Variants in GRIPAP1 observed in about 807,000 individuals in gnomAD.
The protein encoded by GRIPAP1 is GRIP1 associated protein 1, also known as GRIP1-associated protein 1.
GRIPAP1 carries 14 observed loss-of-function variants against 84.1 expected under a neutral mutation model. The observed-to-expected ratio is 0.17, with a 90% CI of 0.11 to 0.26. GRIPAP1 has a LOEUF of 0.26. Among genes scored for constraint, GRIPAP1 ranks in the 10% least tolerant of loss-of-function variants. The pLI is 1.00. For synonymous variants in GRIPAP1, 261 were observed against 256.8 expected (o/e 1.02, Z -0.15); for missense variants, 518 against 674.2 (o/e 0.77, Z 2.57).
intron 21 of GRIPAP1, among the ~76,000 whole-genome samples, chrX:48,980,033 AG>A (rs1197055114): frequency 9.0e-6 from 1 of 111,538 alleles, no homozygotes; most frequent in Non-Finnish European, 1.9e-5. Context: ...CATCACTTAA[AG>A]CCCTCGAGGA....
intron 5 of GRIPAP1, among the ~76,000 whole-genome samples, chrX:48,997,011 A>G (rs2064550391): frequency 9.0e-6 from 1 of 111,442 alleles, no homozygotes; most frequent in Admixed American, 9.6e-5. Context: ...AGCTCAAATA[A>G]AAGGAGTGAC....
chrX:48,985,542 A>G (rs1417030972), intron 13 of GRIPAP1, 140 bp from the exon 14 acceptor site: 16 of 481,405 alleles, frequency 3.3e-5, no homozygotes, highest in Non-Finnish European at 5.1e-5. Context: ...TCAAACAGAA[A>G]AACAATGAAG....
At chrX:48,988,611 A>G (rs1222841414) in intron 11 of GRIPAP1, 1 of 148,362 alleles carries the variant, frequency 6.7e-6, no homozygotes, top group East Asian at 1.6e-4. Flanking sequence ...CCCAACCACC[A>G]GGGGTTTCAG....
chrX:48,975,882 C>T (rs1557060288), intron 24 of GRIPAP1, 136 bp downstream of exon 24: 1 of 490,801 alleles, frequency 2.0e-6, no homozygotes, highest in African/African-American at 2.4e-5. Flanking sequence ...TTCCTGTTCT[C>T]CCCTCCACAG....
intron 25 of GRIPAP1, 35 bp from the exon 26 acceptor site, chrX:48,974,320 G>A (rs1557059816): frequency 1.0e-6 from 1 of 960,532 alleles, no homozygotes; most frequent in Admixed American, 2.3e-5. Context: ...GGCCAGAGAA[G>A]GGGACAGGCT....
intron 5 of GRIPAP1, among the ~76,000 whole-genome samples, 185 bp from the exon 6 acceptor site, chrX:48,993,763 C>T (rs2064532271): frequency 8.9e-6 from 1 of 112,289 alleles, no homozygotes; most frequent in African/African-American, 3.2e-5. Context: ...AGTTCAAATT[C>T]ACACATCTTT....
Position 49,002,246 on chromosome X carries a change from C to A in GRIPAP1, c.-17G>T, listed in dbSNP as rs368830882. On this transcript the variant is annotated 5_prime_UTR_variant, in exon 1 of 26. Coordinates refer to ENST00000376423, the MANE Select transcript of GRIPAP1 (RefSeq NM_020137.5). ...TTGCGCCATGTTCCTCCCCCCACCC[C>A]CCCGCCAGCTTTCTGCGCAGACGCA... The A allele has an allele frequency of 6.4e-6, 7 of 1,094,555 alleles. No homozygotes were observed. In the Admixed American group the frequency reaches 1.2e-4, roughly 19 times the overall value. The allele number at this position is 1,094,555 out of a possible 1,213,427, so 90.2% of individuals were successfully genotyped here. A position where few individuals can be genotyped will look rare whatever the true frequency, so the allele number is the denominator to read the frequency against.
chrX:48,984,970 C>T (rs1461903736), intron 14 of GRIPAP1, among the ~76,000 whole-genome samples: 2 of 108,000 alleles, frequency 1.9e-5, no homozygotes, highest in Non-Finnish European at 3.8e-5. Flanking sequence ...TGCAGTGAGC[C>T]GAGATCACGC....
intron 21 of GRIPAP1, among the ~76,000 whole-genome samples, chrX:48,980,990 C>A (rs189394594): frequency 9.0e-6 from 1 of 111,274 alleles, no homozygotes; most frequent in Non-Finnish European, 1.9e-5. Context: ...GAGGCAGAGA[C>A]AGAAACAGAG....
In GRIPAP1 at chrX:48,974,490, G is replaced by C. The variant is rs781953238; in HGVS notation, c.2434-205C>G. 7.6e-4 allele frequency among the ~76,000 whole-genome samples: 85 copies of C among 111,807 alleles called. 1 individual carries two copies. Among genetic ancestry groups the C allele is most frequent in the Non-Finnish European group, 5.5e-4 (29 of 53,109 alleles). ...CAGAAAAGTCATGAGGATGGGTGGGGAGCTACAGATAATGGGAGTGGGATG... is the reference window on the plus strand; with the variant it reads ...CAGAAAAGTCATGAGGATGGGTGGGCAGCTACAGATAATGGGAGTGGGATG... On this transcript the variant is annotated intron_variant, in intron 25 of 25. Transcript: ENST00000376423.
intron 25 of GRIPAP1, 117 bp downstream of exon 25, chrX:48,975,038 G>A (rs2064414923): frequency 1.7e-6 from 1 of 584,817 alleles, no homozygotes; most frequent in African/African-American, 2.3e-5. Flanking sequence ...TAGGAGGATA[G>A]CTGGGAGGAC....
rs782406830 is a variant in GRIPAP1, at chrX:48,987,875, T to C, written c.951A>G (p.Val317=). The C allele has an allele frequency of 1.6e-5, 19 of 1,185,751 alleles. No individual in the cohort carries two copies. In the Admixed American group the frequency reaches 4.0e-4, roughly 25 times the overall value. Residue 317 remains valine, a splice_region_variant and synonymous_variant, in exon 13 of 26, where the codon GTA becomes GTG. Transcript: ENST00000376423. ...CCTGTGCATCTGCACTCTGGATGGA[T>C]ACCTGGCCCCACGTCCACAGCAGGT... is the stretch of plus-strand genomic sequence containing the variant. The part of the protein sequence containing the change: ...AAALRALQDQ[V]SIQSADAQEQ...
chrX:48,987,573 C>T (rs1468186189), intron 13 of GRIPAP1, among the ~76,000 whole-genome samples: 4 of 103,478 alleles, frequency 3.9e-5, no homozygotes, highest in Admixed American at 3.2e-4. Context: ...CTGCCTCAGC[C>T]TCCCCAATAA....
intron 12 of GRIPAP1, 117 bp downstream of exon 12, chrX:48,988,004 C>T: frequency 1.6e-6 from 1 of 624,477 alleles, no homozygotes; most frequent in Non-Finnish European, 2.5e-6. Flanking sequence ...CACACACACA[C>T]ACACACGAAG....
At chrX:48,997,152 G>A in intron 5 of GRIPAP1, 98 bp downstream of exon 5, 1 of 545,052 alleles carries the variant, frequency 1.8e-6, no homozygotes, top group Admixed American at 2.8e-5. Flanking sequence ...CAGTGCTCCA[G>A]GGCCAGACCC....
At chrX:48,988,483 A>T in intron 11 of GRIPAP1, 1 of 321,899 alleles carries the variant, frequency 3.1e-6, no homozygotes, top group Non-Finnish European at 5.5e-6. Flanking sequence ...ATCCATAAGA[A>T]GTCTCATGCT....
chrX:48,990,662 G>A (rs2147744003), intron 8 of GRIPAP1, 23 bp downstream of exon 8: 1 of 1,176,588 alleles, frequency 8.5e-7, no homozygotes, highest in East Asian at 3.0e-5. Context: ...GGAGCAGAAT[G>A]GGAAAGAGCC....
intron 5 of GRIPAP1, among the ~76,000 whole-genome samples, chrX:48,996,536 G>A (rs1346513364): frequency 1.8e-5 from 2 of 112,249 alleles, no homozygotes; most frequent in African/African-American, 6.5e-5. Flanking sequence ...CCAGCTACTT[G>A]GGAGGCTGAG....
intron 13 of GRIPAP1, among the ~76,000 whole-genome samples, chrX:48,985,875 G>A (rs782796022): frequency 3.6e-5 from 4 of 110,443 alleles, no homozygotes; most frequent in Non-Finnish European, 5.7e-5. Flanking sequence ...AGAGAGAGAC[G>A]AAGAGAGGAT....
Sources: allele counts gnomAD v4.1 joint callset (sites outside exome capture counted in the v4.1 genomes callset), GRCh38; gene constraint gnomAD v4.1.1; transcripts MANE v1.5; gene names NCBI Gene and HGNC (gene_info 2026-07-23, HGNC 2026-07-21).